HMGCLL1: variants seen among roughly 807,000 people sequenced by gnomAD.
HMGCLL1 encodes the protein 3-hydroxy-3-methylglutaryl-CoA lyase like 1.
Under a neutral mutation model 39.1 loss-of-function variants are expected in HMGCLL1, and 36 were observed. That is an observed-to-expected ratio of 0.92 (90% CI 0.71 to 1.22). HMGCLL1 has a LOEUF of 1.22. HMGCLL1 is among the 50% of genes most tolerant of loss of function. The pLI is 0.00. For missense variants in HMGCLL1, 451 were observed against 416.5 expected, an observed-to-expected ratio of 1.08 and a Z score of -0.72; for synonymous variants, 149 against 144.0, an observed-to-expected ratio of 1.03 and a Z score of -0.25.
intron 5 of HMGCLL1, among the ~76,000 whole-genome samples, chr6:55,505,631 CT>C (rs1342635700): frequency 6.6e-6 from 1 of 151,526 alleles, no homozygotes; most frequent in East Asian, 1.9e-4. Context: ...CCTAAGCCTA[CT>C]ATTAGAATAC....
At chr6:55,476,441 A>G (rs954360460) in intron 7 of HMGCLL1, among the ~76,000 whole-genome samples, 2 of 151,592 alleles carry the variant, frequency 1.3e-5, no homozygotes, top group Non-Finnish European at 3.0e-5. Flanking sequence ...AAATTTATGT[A>G]TTGATTTTAA....
At chr6:55,650,407 A>G in the HMGCLL1 span, among the ~76,000 whole-genome samples, 1 of 151,596 alleles carries the variant, frequency 6.6e-6, no homozygotes, top group Non-Finnish European at 1.5e-5. Flanking sequence ...ATCTGGAATA[A>G]TTCTCTGAAT....
intron 3 of HMGCLL1, among the ~76,000 whole-genome samples, chr6:55,530,898 G>T (rs1768626158): frequency 6.6e-6 from 1 of 151,940 alleles, no homozygotes; most frequent in African/African-American, 2.4e-5. Context: ...ATGAACATCA[G>T]CCAAAACGTA....
the HMGCLL1 span, among the ~76,000 whole-genome samples, chr6:55,641,906 ATT>A: frequency 8.4e-6 from 1 of 119,700 alleles, no homozygotes; most frequent in Non-Finnish European, 1.7e-5. Flanking sequence ...TTATTTATTT[ATT>A]TATTTATTTT....
intron 8 of HMGCLL1, among the ~76,000 whole-genome samples, chr6:55,438,279 G>A (rs2127378974): frequency 6.6e-6 from 1 of 152,202 alleles, no homozygotes; most frequent in East Asian, 1.9e-4. Flanking sequence ...GGCAACAGCT[G>A]TTGGTGTTTA....
intron 1 of HMGCLL1, among the ~76,000 whole-genome samples, chr6:55,566,064 T>C (rs1771195488): frequency 6.6e-6 from 1 of 152,148 alleles, no homozygotes; most frequent in South Asian, 2.1e-4. Context: ...ATTCATATTT[T>C]GACTTCAACA....
At chr6:55,589,408 T>C in the HMGCLL1 span, among the ~76,000 whole-genome samples, 1 of 152,146 alleles carries the variant, frequency 6.6e-6, no homozygotes, top group Non-Finnish European at 1.5e-5. Flanking sequence ...TATCTCAAAA[T>C]AATAAGAGCT....
At chr6:55,546,849 C>T (rs755050131) in intron 1 of HMGCLL1, among the ~76,000 whole-genome samples, 1 of 151,722 alleles carries the variant, frequency 6.6e-6, no homozygotes, top group African/African-American at 2.4e-5. Flanking sequence ...ATGATACTAG[C>T]GAAAAAACAA....
the HMGCLL1 span, among the ~76,000 whole-genome samples, chr6:55,588,826 A>G: frequency 2.2e-4 from 34 of 151,976 alleles, no homozygotes; most frequent in Non-Finnish European, 4.7e-4. Flanking sequence ...TAAATTCTTC[A>G]ACACATACAC....
intron 7 of HMGCLL1, among the ~76,000 whole-genome samples, chr6:55,482,840 C>CT (rs1381283130): frequency 1.3e-5 from 2 of 151,728 alleles, no homozygotes; most frequent in Non-Finnish European, 2.9e-5. Context: ...AGGTTCCCCC[C>CT]CAAGAAATTT....
chr6:55,489,699 G>A (rs180879786), intron 7 of HMGCLL1, among the ~76,000 whole-genome samples: 63 of 152,064 alleles, frequency 4.1e-4, no homozygotes, highest in African/African-American at 1.1e-3. Flanking sequence ...CATACTAGGT[G>A]CAATTAGTGA....
intron 1 of HMGCLL1, among the ~76,000 whole-genome samples, chr6:55,552,321 G>A (rs1387712542): frequency 6.6e-6 from 1 of 151,960 alleles, no homozygotes; most frequent in East Asian, 1.9e-4. Flanking sequence ...CAATATGGCA[G>A]TTTTTCACAA....
rs576997996 is a variant in HMGCLL1, at chr6:55,574,994, G to A, written c.108+3954C>T. ...ATTTATATTAGAATTTAGGTCTTTG[G>A]AAATTTTATTTTTGCAAAAGGGCAT... On this transcript the variant is annotated intron_variant, in intron 1 of 8. Transcript: ENST00000274901. 3.9e-5 allele frequency among the ~76,000 whole-genome samples: 6 copies of A among 152,018 alleles called. No individual in the cohort carries two copies. The East Asian group carries it at 1.2e-3, about 29-fold the overall frequency.
At chr6:55,436,349 G>A (rs143725890) in intron 8 of HMGCLL1, among the ~76,000 whole-genome samples, 3 of 152,078 alleles carry the variant, frequency 2.0e-5, no homozygotes, top group African/African-American at 4.8e-5. Flanking sequence ...GAACTTGTTC[G>A]CCTGAGAGGT....
intron 1 of HMGCLL1, among the ~76,000 whole-genome samples, chr6:55,577,366 A>G (rs1771812713): frequency 6.6e-6 from 1 of 152,070 alleles, no homozygotes; most frequent in African/African-American, 2.4e-5. Context: ...AAAATTTAAA[A>G]TCTGTACTTG....
chr6:55,604,655 T>A, the HMGCLL1 span, among the ~76,000 whole-genome samples: 2 of 152,268 alleles, frequency 1.3e-5, no homozygotes, highest in South Asian at 2.1e-4. Context: ...TTAAACTTTT[T>A]AAAAAGTTTT....
intron 3 of HMGCLL1, among the ~76,000 whole-genome samples, chr6:55,526,669 T>C (rs1287255097): frequency 1.3e-5 from 2 of 152,078 alleles, no homozygotes; most frequent in African/African-American, 4.8e-5. Flanking sequence ...ATGGTAATAA[T>C]GGTAAAAGCA....
rs577295400 is a variant in HMGCLL1 at position 55,439,282 on chromosome 6, G to T, written c.921+152C>A. Reference sequence around the variant, plus strand: ...GAGTTACTTTATAAAGACCCCAAAAGAATTTTTATTGCATTTTCCCACTGT... The same window carrying T: ...GAGTTACTTTATAAAGACCCCAAAATAATTTTTATTGCATTTTCCCACTGT... On this transcript the variant is annotated intron_variant, in intron 8 of 8. Transcript: ENST00000274901. The T allele has an allele frequency of 4.0e-5, 27 of 679,406 alleles. No individual in the cohort carries two copies. The East Asian group carries it at 6.9e-4, about 17-fold the overall frequency. The allele number at this position is 679,406 out of a possible 1,614,324, so 42.1% of individuals were successfully genotyped here. A position where few individuals can be genotyped will look rare whatever the true frequency, so the allele number is the denominator to read the frequency against.
At chr6:55,636,870 T>C in the HMGCLL1 span, among the ~76,000 whole-genome samples, 2 of 152,154 alleles carry the variant, frequency 1.3e-5, no homozygotes, top group African/African-American at 4.8e-5. Context: ...TATTCACTTC[T>C]GACAGACCCA....
Sources: gnomAD v4.1 joint callset for allele counts (sites outside exome capture counted in the v4.1 genomes callset) on GRCh38, gnomAD v4.1.1 for gene constraint, MANE v1.5 for transcripts, NCBI Gene and HGNC (gene_info 2026-07-23, HGNC 2026-07-21) for gene names.